The following CC2D1B variants were observed in gnomAD, a reference collection of about 807,000 sequenced individuals.
CC2D1B encodes the protein coiled-coil and C2 domain containing 1B.
Under a neutral mutation model 110.8 loss-of-function variants are expected in CC2D1B, and 92 were observed. The ratio of observed to expected loss-of-function variants is 0.83; its 90% CI spans 0.70 to 0.99. CC2D1B has a LOEUF of 0.99. Among genes scored for constraint, CC2D1B ranks in the 50% least tolerant of loss-of-function variants. The probability of loss-of-function intolerance (pLI) is 0.00; values close to 1 mark genes in which losing one functional copy is unlikely to be tolerated. For synonymous variants in CC2D1B, 406 were observed against 429.2 expected (o/e 0.95, Z 0.67); for missense variants, 1,136 against 1,089.0 (o/e 1.04, Z -0.61).
At chr1:52,361,239 G>T in intron 4 of CC2D1B, 107 bp from the exon 5 acceptor site, 3 of 1,396,042 alleles carry the variant, frequency 2.1e-6, no homozygotes, top group Middle Eastern at 1.8e-4. Flanking sequence ...CCTAACGTCA[G>T]TCACTGTGCC....
chr1:52,357,722 A>G (rs747909182), intron 14 of CC2D1B, 24 bp from the exon 15 acceptor site: 32 of 1,610,818 alleles, frequency 2.0e-5, no homozygotes, highest in Admixed American at 3.4e-5. Context: ...GCCACTGGTT[A>G]GGGCCACACC....
chr1:52,353,312 T>C (rs1475036637), intron 24 of CC2D1B, 89 bp from the exon 25 acceptor site: 1 of 1,473,688 alleles, frequency 6.8e-7, no homozygotes, highest in Non-Finnish European at 9.0e-7. Flanking sequence ...GATAGATAGA[T>C]AGATAGATAG....
intron 11 of CC2D1B, 120 bp from the exon 12 acceptor site, chr1:52,358,878 A>G (rs1174381018): frequency 1.4e-6 from 2 of 1,432,232 alleles, no homozygotes; most frequent in Non-Finnish European, 1.9e-6. Flanking sequence ...CCCTGGGAGA[A>G]AAAAAGATCC....
In CC2D1B at chr1:52,357,128, T is replaced by TA; in HGVS notation, c.1753-3dup. 1 of 1,613,980 alleles carries TA rather than the reference T, an allele frequency of 6.2e-7. No individual in the cohort carries two copies. The highest frequency in any genetic ancestry group is 8.5e-7 in the Non-Finnish European group (1 of 1,179,956). On this transcript the variant is annotated splice_region_variant and splice_polypyrimidine_tract_variant and intron_variant, in intron 15 of 24. Coordinates refer to ENST00000284376, the MANE Select transcript of CC2D1B (RefSeq NM_001330585.2). ...CTCATCCGTCAAGGGCGAAGGCACC[T>TA]ACCCAGGTCACAAGGCCCCTCGGGC...
chr1:52,353,157 A>T lies in CC2D1B; in HGVS notation c.*68T>A. ...CTTATGTACAAAGGCTTCTGAAGCC[A>T]GCAAAGCTGGGAAAGTCATCTCCTG... On this transcript the variant is annotated 3_prime_UTR_variant, in exon 25 of 25. Transcript: ENST00000284376. The T allele has an allele frequency of 3.1e-6, 4 of 1,310,628 alleles. No individual in the cohort carries two copies. The highest frequency in any genetic ancestry group is 4.0e-6 in the Non-Finnish European group (4 of 992,736). The allele number at this position is 1,310,628 out of a possible 1,614,324, so 81.2% of individuals were successfully genotyped here.
chr1:52,360,847 G>C lies in CC2D1B; in HGVS notation c.477+127C>G, dbSNP rs577520202. Reference sequence around the variant, plus strand: ...GTTTCTTGTGCTCAGTTTCTGCTTGGGGCGGCTGCTGGGGGAGGGTCCTGG... The same window carrying C: ...GTTTCTTGTGCTCAGTTTCTGCTTGCGGCGGCTGCTGGGGGAGGGTCCTGG... On this transcript the variant is annotated intron_variant, in intron 5 of 24. Transcript: ENST00000284376. 7.4e-5 allele frequency: 89 copies of C among 1,198,966 alleles called. No individual in the cohort carries two copies. The South Asian group carries it at 1.2e-3, about 16-fold the overall frequency. The allele number at this position is 1,198,966 out of a possible 1,614,324, so 74.3% of individuals were successfully genotyped here.
intron 7 of CC2D1B, 58 bp downstream of exon 7, chr1:52,360,016 C>A: frequency 6.5e-7 from 1 of 1,548,750 alleles, no homozygotes. Context: ...AGGCTGGGGA[C>A]ACACGCTGTG....
chr1:52,364,376 C>A (rs918994848), intron 2 of CC2D1B, among the ~76,000 whole-genome samples, 176 bp downstream of exon 2: 1 of 152,228 alleles, frequency 6.6e-6, no homozygotes, highest in Non-Finnish European at 1.5e-5. Context: ...ACCCTCTCCC[C>A]ACTTGTATGT....
Position 52,358,372 on chromosome 1 carries a change from A to G in CC2D1B, c.1420T>C (p.Ser474Pro). 6.2e-7 allele frequency: 1 copy of G among 1,614,166 alleles called. No individual in the cohort carries two copies. Among genetic ancestry groups the G allele is most frequent in the Non-Finnish European group, 8.5e-7 (1 of 1,180,034 alleles). Reference sequence around the variant, plus strand: ...TCAGCCGGGGCTGAATCCTCTGCAGAGGCCAGTTTCTCTGCAGCTGCCAAT... The same window carrying G: ...TCAGCCGGGGCTGAATCCTCTGCAGGGGCCAGTTTCTCTGCAGCTGCCAAT... ...ATLAAAEKLA[S>P]AEDSAPADKD... is the part of the protein sequence containing the mutation. The change falls in exon 13 of 25, where the codon TCT becomes CCT. Residue 474 changes from serine (S) to proline (P), a missense_variant. Transcript: ENST00000284376.
At chr1:52,354,563 CT>C (rs1646602067) in intron 23 of CC2D1B, 44 bp downstream of exon 23, 2 of 1,524,242 alleles carry the variant, frequency 1.3e-6, no homozygotes, top group Admixed American at 1.7e-5. Flanking sequence ...CGTATTGGCT[CT>C]TGTCGTACCA....
Position 52,353,070 on chromosome 1 carries a change from C to T in CC2D1B, c.*155G>A. On this transcript the variant is annotated 3_prime_UTR_variant, in exon 25 of 25. Coordinates refer to ENST00000284376, the MANE Select transcript of CC2D1B (RefSeq NM_001330585.2). The stretch of plus-strand genomic sequence containing the variant: ...CCAGAGGGGCCAACAACAGGAAAGA[C>T]CAGAGTCGTGGTCAGTAGTGCACAT... 1.4e-6 allele frequency: 1 copy of T among 726,068 alleles called. No homozygotes were observed. Among genetic ancestry groups the T allele is most frequent in the Non-Finnish European group, 2.1e-6 (1 of 472,548 alleles). The allele number at this position is 726,068 out of a possible 1,614,324, so 45.0% of individuals were successfully genotyped here. A position where few individuals can be genotyped will look rare whatever the true frequency, so the allele number is the denominator to read the frequency against.
chr1:52,360,752 G>T, intron 5 of CC2D1B: 1 of 921,128 alleles, frequency 1.1e-6, no homozygotes, highest in East Asian at 2.6e-5. Flanking sequence ...CTTGGTGGAA[G>T]CCAGGATATG....
intron 6 of CC2D1B, 69 bp downstream of exon 6, chr1:52,360,355 T>C: frequency 6.3e-7 from 1 of 1,597,192 alleles, no homozygotes; most frequent in Middle Eastern, 1.7e-4. Flanking sequence ...CCTCCACTGG[T>C]GCGATCTCCA....
intron 15 of CC2D1B, 146 bp downstream of exon 15, chr1:52,357,380 A>G (rs905831902): frequency 3.1e-6 from 3 of 974,616 alleles, no homozygotes; most frequent in African/African-American, 1.6e-5. Flanking sequence ...GTAGAGGAGT[A>G]TGAGCAAAAG....
At chr1:52,355,359 C>T (rs1047029094) in intron 21 of CC2D1B, 39 bp downstream of exon 21, 5 of 1,605,028 alleles carry the variant, frequency 3.1e-6, no homozygotes, top group East Asian at 4.5e-5. Context: ...TGCCCACACA[C>T]TCTGAGGGAG....
In CC2D1B at chr1:52,356,639, G is replaced by A. The variant is rs187323075; in HGVS notation, c.1879-197C>T. 4.3e-4 allele frequency: 272 copies of A among 634,572 alleles called. No individual in the cohort carries two copies. In the African/African-American group the frequency reaches 4.5e-3, roughly 10 times the overall value. The allele number at this position is 634,572 out of a possible 1,614,324, so 39.3% of individuals were successfully genotyped here. On this transcript the variant is annotated intron_variant, in intron 16 of 24. Coordinates refer to ENST00000284376, the MANE Select transcript of CC2D1B (RefSeq NM_001330585.2). ...CACTTTTGTCATTTTCTCTTCTGAG[G>A]AGAGCCATTCCCCAAATTAGCAACT...
Position 52,356,182 on chromosome 1 carries a change from G to T in CC2D1B, c.2054+4C>A. ...GGAGCCCCTGTTTCCCTAGGCCTTG[G>T]TACCTCACAGTCTGGAATGTCTTCA... On this transcript the variant is annotated splice_donor_region_variant and intron_variant, in intron 18 of 24. Transcript: ENST00000284376. 1 of 1,585,988 alleles carries T rather than the reference G, an allele frequency of 6.3e-7. No homozygotes were observed. Among genetic ancestry groups the T allele is most frequent in the Non-Finnish European group, 8.6e-7 (1 of 1,158,774 alleles).
chr1:52,355,250 T>TC (rs2147889576), intron 21 of CC2D1B, 148 bp downstream of exon 21: 1 of 840,708 alleles, frequency 1.2e-6, no homozygotes, highest in South Asian at 1.6e-5. Context: ...TGCGTGTTTC[T>TC]CCAACTACAG....
Position 52,354,700 on chromosome 1 carries a change from T to TG in CC2D1B, c.2340-3dup. 1 of 1,614,144 alleles carries TG rather than the reference T, an allele frequency of 6.2e-7. No individual in the cohort carries two copies. Among genetic ancestry groups the TG allele is most frequent in the Non-Finnish European group, 8.5e-7 (1 of 1,179,984 alleles). On this transcript the variant is annotated splice_polypyrimidine_tract_variant and splice_region_variant and intron_variant, in intron 22 of 24. Coordinates refer to ENST00000284376, the MANE Select transcript of CC2D1B (RefSeq NM_001330585.2). ...AGCTTGTCGCTTCTGAAGAAGGACCTGGGGAGTCAAGAGGCAGCAGAGGAT... is the reference window on the plus strand; with the variant it reads ...AGCTTGTCGCTTCTGAAGAAGGACCTGGGGGAGTCAAGAGGCAGCAGAGGAT...
Sources: allele counts gnomAD v4.1 joint callset (sites outside exome capture counted in the v4.1 genomes callset), GRCh38; gene constraint gnomAD v4.1.1; transcripts MANE v1.5; gene names NCBI Gene and HGNC (gene_info 2026-07-23, HGNC 2026-07-21).